Variants in LRP1B observed in about 807,000 individuals in gnomAD.
LRP1B encodes the protein low-density lipoprotein receptor-related protein 1B.
LRP1B carries 217 observed loss-of-function variants against 556.6 expected under a neutral mutation model. That is an observed-to-expected ratio of 0.39 (90% CI 0.35 to 0.44). LRP1B has a LOEUF of 0.44. Ranked by LOEUF, LRP1B falls within the 20% of genes least tolerant of loss-of-function variation. The probability of loss-of-function intolerance (pLI) is 1.00; values close to 1 mark genes in which losing one functional copy is unlikely to be tolerated. For missense variants in LRP1B, 5,053 were observed against 5,620.8 expected (o/e 0.90, Z 3.23); for synonymous variants, 2,047 against 1,865.8 (o/e 1.10, Z -2.50).
chr2:140,645,721 G>T (rs371748088), intron 41 of LRP1B, among the ~76,000 whole-genome samples: 29 of 151,476 alleles, frequency 1.9e-4, no homozygotes, highest in Middle Eastern at 3.4e-3. Context: ...TGTATTTTTA[G>T]TAGAGACGGG....
rs1346826852 is a variant in LRP1B at position 140,232,984 on chromosome 2, T to C, written c.*202A>G. ...TGTAAATTGTACTGTAGTGCAGTTC[T>C]TTTTCATAAAAATACCATACAAATG... On this transcript the variant is annotated 3_prime_UTR_variant, in exon 91 of 91. Coordinates refer to ENST00000389484, the MANE Select transcript of LRP1B (RefSeq NM_018557.3). 5.0e-6 allele frequency: 2 copies of C among 403,256 alleles called. No individual in the cohort carries two copies. The highest frequency in any genetic ancestry group is 8.8e-6 in the Non-Finnish European group (2 of 227,642). The allele number at this position is 403,256 out of a possible 1,614,324, so 25.0% of individuals were successfully genotyped here.
chr2:141,252,422 G>T (rs1684299392), intron 4 of LRP1B, among the ~76,000 whole-genome samples: 1 of 152,090 alleles, frequency 6.6e-6, no homozygotes, highest in South Asian at 2.1e-4. Flanking sequence ...GGTTTCTTCA[G>T]AGTCACATAA....
At chr2:140,953,120 T>C (rs1453359903) in intron 18 of LRP1B, among the ~76,000 whole-genome samples, 1 of 152,196 alleles carries the variant, frequency 6.6e-6, no homozygotes, top group African/African-American at 2.4e-5. Context: ...ATATGGAGTC[T>C]CACTCTGTGG....
chr2:141,465,543 C>CTTTTTTTTT (rs71391652), intron 3 of LRP1B, among the ~76,000 whole-genome samples: 1 of 117,314 alleles, frequency 8.5e-6, no homozygotes, highest in Non-Finnish European at 1.9e-5. Flanking sequence ...CACAGCATGA[C>CTTTTTTTTT]TTTTTTTTTT....
At chr2:141,332,724 T>TTA (rs970517496) in intron 3 of LRP1B, among the ~76,000 whole-genome samples, 12 of 138,978 alleles carry the variant, frequency 8.6e-5, no homozygotes, top group Middle Eastern at 3.6e-3. Flanking sequence ...CCTTATTTTT[T>TTA]TATATATATA....
At chr2:141,116,773 C>CA (rs1700910052) in intron 7 of LRP1B, among the ~76,000 whole-genome samples, 1 of 151,608 alleles carries the variant, frequency 6.6e-6, no homozygotes, top group African/African-American at 2.4e-5. Flanking sequence ...CTCACCTTGA[C>CA]AAAAACCATT....
At chr2:140,440,699 A>ACTCAAATCAGATGAC (rs894428715) in intron 66 of LRP1B, among the ~76,000 whole-genome samples, 2 of 150,124 alleles carry the variant, frequency 1.3e-5, no homozygotes, top group African/African-American at 4.9e-5. Flanking sequence ...AAATTGTGTA[A>ACTCAAATCAGATGAC]CTCAAATCAG....
At chr2:141,215,170 A>G (rs1682746256) in intron 6 of LRP1B, among the ~76,000 whole-genome samples, 2 of 151,492 alleles carry the variant, frequency 1.3e-5, no homozygotes, top group Admixed American at 1.3e-4. Flanking sequence ...AGTGTGTAGC[A>G]CCTCTCCCCA....
intron 41 of LRP1B, among the ~76,000 whole-genome samples, chr2:140,631,520 C>A (rs978900079): frequency 6.6e-6 from 1 of 152,154 alleles, no homozygotes; most frequent in Non-Finnish European, 1.5e-5. Flanking sequence ...AATGAAACTG[C>A]TTTAGATGGG....
chr2:140,642,851 C>A (rs1684351383), intron 41 of LRP1B, among the ~76,000 whole-genome samples: 1 of 138,728 alleles, frequency 7.2e-6, no homozygotes, highest in South Asian at 2.3e-4. Flanking sequence ...CTCAGAAAAA[C>A]AAACAAACAA....
At chr2:141,467,743 A>C (rs1682286226) in intron 3 of LRP1B, among the ~76,000 whole-genome samples, 1 of 151,156 alleles carries the variant, frequency 6.6e-6, no homozygotes, top group Admixed American at 6.6e-5. Flanking sequence ...AACTGAAAGG[A>C]GCAAATCATT....
intron 1 of LRP1B, among the ~76,000 whole-genome samples, chr2:142,121,450 C>T (rs1707454303): frequency 6.6e-6 from 1 of 152,166 alleles, no homozygotes; most frequent in South Asian, 2.1e-4. Context: ...CTCCCAAACA[C>T]ACACAGTTTA....
chr2:140,672,481 C>T (rs1685520725), intron 41 of LRP1B, among the ~76,000 whole-genome samples: 3 of 26,438 alleles, frequency 1.1e-4, no homozygotes, highest in South Asian at 2.7e-3. Flanking sequence ...GAGACTCCAT[C>T]TAAAAAAAAA....
At chr2:140,934,013 T>C (rs1347134481) in intron 20 of LRP1B, among the ~76,000 whole-genome samples, 2 of 152,110 alleles carry the variant, frequency 1.3e-5, no homozygotes, top group East Asian at 3.9e-4. Flanking sequence ...TAACATTGTT[T>C]ATATGTCTCA....
intron 65 of LRP1B, among the ~76,000 whole-genome samples, chr2:140,444,026 A>G (rs2380792): frequency 0.17 from 25,700 of 152,150 alleles, 2,445 homozygotes; most frequent in Non-Finnish European, 0.22. Context: ...AAATAAATTT[A>G]AAAAACATAA....
chr2:140,870,994 A>G (rs574552846), intron 25 of LRP1B, among the ~76,000 whole-genome samples: 1 of 152,304 alleles, frequency 6.6e-6, no homozygotes, highest in South Asian at 2.1e-4. Flanking sequence ...GTTTATAAAC[A>G]TAGTAATTAC....
intron 1 of LRP1B, among the ~76,000 whole-genome samples, chr2:141,846,959 A>G (rs899518932): frequency 2.0e-5 from 3 of 151,476 alleles, no homozygotes; most frequent in Admixed American, 6.6e-5. Flanking sequence ...CAATGTTCCT[A>G]TGCTACTCAA....
intron 2 of LRP1B, among the ~76,000 whole-genome samples, chr2:141,763,233 A>G (rs978806963): frequency 2.6e-5 from 4 of 152,282 alleles, no homozygotes; most frequent in African/African-American, 9.6e-5. Flanking sequence ...GTGGTGGGTG[A>G]GTTCAGAGTA....
chr2:140,791,360 T>C (rs1465634857), intron 32 of LRP1B, among the ~76,000 whole-genome samples: 2 of 151,806 alleles, frequency 1.3e-5, no homozygotes, highest in Non-Finnish European at 2.9e-5. Flanking sequence ...GCCCAGGGTG[T>C]TGAGGTTGCA....
Sources: allele counts gnomAD v4.1 joint callset (sites outside exome capture counted in the v4.1 genomes callset), GRCh38; gene constraint gnomAD v4.1.1; transcripts MANE v1.5; gene names NCBI Gene and HGNC (gene_info 2026-07-23, HGNC 2026-07-21).